Variants in CAMKMT observed in about 807,000 individuals in gnomAD.
The protein encoded by CAMKMT is CaM KMT.
In CAMKMT, 53 loss-of-function variants were observed where a neutral mutation model predicts 48.0. That is an observed-to-expected ratio of 1.10 (90% CI 0.89 to 1.39). CAMKMT has a LOEUF of 1.39. Among genes scored for constraint, CAMKMT ranks in the 40% most tolerant of loss-of-function variants. The probability of loss-of-function intolerance (pLI) is 0.00; values close to 1 mark genes in which losing one functional copy is unlikely to be tolerated. For missense variants in CAMKMT, 428 were observed against 402.7 expected (o/e 1.06, Z -0.54); for synonymous variants, 165 against 152.3 (o/e 1.08, Z -0.61).
At chr2:44,564,631 C>T (rs911967836) in intron 3 of CAMKMT, among the ~76,000 whole-genome samples, 15 of 152,004 alleles carry the variant, frequency 9.9e-5, no homozygotes, top group African/African-American at 3.6e-4. Context: ...CTCAGTCTCC[C>T]AGGTTCAAGC....
At chr2:44,476,099 C>T (rs148931833) in intron 3 of CAMKMT, among the ~76,000 whole-genome samples, 15 of 152,244 alleles carry the variant, frequency 9.9e-5, no homozygotes, top group Admixed American at 2.0e-4. Flanking sequence ...AATATATTTA[C>T]GACATCTAAA....
chr2:44,406,343 C>T (rs563970285), intron 3 of CAMKMT, among the ~76,000 whole-genome samples: 1 of 151,806 alleles, frequency 6.6e-6, no homozygotes, highest in African/African-American at 2.4e-5. Context: ...TCAAATTGTG[C>T]CCTAGTAAAT....
At chr2:44,368,476 G>C (rs937461586) in intron 1 of CAMKMT, among the ~76,000 whole-genome samples, 4 of 152,190 alleles carry the variant, frequency 2.6e-5, no homozygotes. Flanking sequence ...TATGTTGCCT[G>C]TTACTTTCAT....
chr2:44,484,108 C>T (rs757480172), intron 3 of CAMKMT, among the ~76,000 whole-genome samples: 1 of 151,958 alleles, frequency 6.6e-6, no homozygotes, highest in Non-Finnish European at 1.5e-5. Flanking sequence ...GAGAAATGTA[C>T]TCCAAAATGA....
intron 3 of CAMKMT, among the ~76,000 whole-genome samples, chr2:44,654,281 C>A (rs1674247766): frequency 6.6e-6 from 1 of 152,012 alleles, no homozygotes; most frequent in African/African-American, 2.4e-5. Flanking sequence ...TTATATAATT[C>A]ATGAACCTTT....
chr2:44,598,906 C>T (rs1421138943), intron 3 of CAMKMT, among the ~76,000 whole-genome samples: 2 of 151,616 alleles, frequency 1.3e-5, no homozygotes, highest in African/African-American at 4.9e-5. Flanking sequence ...ACTGGAATTG[C>T]ATGATTAGAT....
chr2:44,695,939 T>A (rs1676923891), intron 3 of CAMKMT, among the ~76,000 whole-genome samples: 1 of 151,620 alleles, frequency 6.6e-6, no homozygotes, highest in Non-Finnish European at 1.5e-5. Flanking sequence ...AACACAAAAA[T>A]TTTTATTTTA....
At chr2:44,546,275 T>G (rs576301000) in intron 3 of CAMKMT, among the ~76,000 whole-genome samples, 1 of 151,958 alleles carries the variant, frequency 6.6e-6, no homozygotes, top group Non-Finnish European at 1.5e-5. Flanking sequence ...AAAATCTCCT[T>G]CTTAGCCCAA....
chr2:44,549,693 C>A, intron 3 of CAMKMT: 1 of 549,284 alleles, frequency 1.8e-6, no homozygotes. Context: ...TATTTATTGG[C>A]TTAAGGATTA....
intron 3 of CAMKMT, among the ~76,000 whole-genome samples, chr2:44,518,012 C>T (rs919741280): frequency 2.6e-5 from 4 of 152,084 alleles, no homozygotes; most frequent in African/African-American, 9.7e-5. Flanking sequence ...ACTACCTACC[C>T]ATCTTGGCTC....
chr2:44,411,397 C>T (rs1371662946), intron 3 of CAMKMT, among the ~76,000 whole-genome samples: 2 of 152,136 alleles, frequency 1.3e-5, no homozygotes, highest in Non-Finnish European at 2.9e-5. Context: ...GATTTAGACT[C>T]CAAGGAAATG....
chr2:44,755,130 T>A (rs1265488170), intron 9 of CAMKMT, among the ~76,000 whole-genome samples: 2 of 152,208 alleles, frequency 1.3e-5, no homozygotes, highest in African/African-American at 2.4e-5. Context: ...CCATACACTG[T>A]TGCTTTTTAT....
chr2:44,612,232 T>C (rs1156679851), intron 3 of CAMKMT, among the ~76,000 whole-genome samples: 2 of 152,210 alleles, frequency 1.3e-5, no homozygotes. Flanking sequence ...AAAGTTAATT[T>C]ATGGGAATAA....
chr2:44,440,199 A>G (rs1666560974), intron 3 of CAMKMT, among the ~76,000 whole-genome samples: 1 of 152,226 alleles, frequency 6.6e-6, no homozygotes, highest in Non-Finnish European at 1.5e-5. Flanking sequence ...CTCTAGTCCC[A>G]TGATTCTAGT....
At chr2:44,473,229 T>C (rs995681420) in intron 3 of CAMKMT, among the ~76,000 whole-genome samples, 1 of 152,216 alleles carries the variant, frequency 6.6e-6, no homozygotes, top group African/African-American at 2.4e-5. Context: ...TTCCTTTGTG[T>C]TTCATTTTAT....
At chr2:44,583,091 T>A (rs1388811878) in intron 3 of CAMKMT, among the ~76,000 whole-genome samples, 1 of 152,218 alleles carries the variant, frequency 6.6e-6, no homozygotes, top group East Asian at 1.9e-4. Flanking sequence ...CCTATTATAC[T>A]GTTAGCTCTT....
Position 44,502,721 on chromosome 2 carries a change from C to T in CAMKMT, c.376+112416C>T, listed in dbSNP as rs190055494. Among the ~76,000 whole-genome samples, 686 of 152,182 alleles carry T rather than the reference C, an allele frequency of 4.5e-3. 8 individuals are homozygous for T. The highest frequency in any genetic ancestry group is 6.3e-3 in the Admixed American group (96 of 15,286). On this transcript the variant is annotated intron_variant, in intron 3 of 10. Coordinates refer to ENST00000378494, the MANE Select transcript of CAMKMT (RefSeq NM_024766.5). ...AACACTGAGAGCCCAGCATGCATAT[C>T]CACCTTCAAGATTTAATAATTTGAG...
intron 3 of CAMKMT, among the ~76,000 whole-genome samples, chr2:44,472,967 CG>C (rs1668500412): frequency 6.6e-6 from 1 of 152,156 alleles, no homozygotes; most frequent in South Asian, 2.1e-4. Flanking sequence ...CAGTTACCAG[CG>C]TGAGGAATAA....
chr2:44,447,919 T>G (rs188889438), intron 3 of CAMKMT, among the ~76,000 whole-genome samples: 4 of 152,360 alleles, frequency 2.6e-5, no homozygotes, highest in Admixed American at 2.6e-4. Flanking sequence ...TTCATTTGTC[T>G]GTCTGTTTTA....
Sources: gnomAD v4.1 joint callset for allele counts (sites outside exome capture counted in the v4.1 genomes callset) on GRCh38, gnomAD v4.1.1 for gene constraint, MANE v1.5 for transcripts, NCBI Gene and HGNC (gene_info 2026-07-23, HGNC 2026-07-21) for gene names.